BCAS1: variants seen among roughly 807,000 people sequenced by gnomAD.
BCAS1 encodes breast carcinoma-amplified sequence 1.
Under a neutral mutation model 65.4 loss-of-function variants are expected in BCAS1, and 46 were observed. That is an observed-to-expected ratio of 0.70 (90% CI 0.55 to 0.90). BCAS1 has a LOEUF of 0.90. BCAS1 is among the 40% of genes least tolerant of loss of function. BCAS1 has a pLI of 0.00. For missense variants in BCAS1, 793 were observed against 771.2 expected (o/e 1.03, Z -0.33); for synonymous variants, 298 against 293.5 (o/e 1.02, Z -0.16).
rs150209906 is a variant in BCAS1, at chr20:53,993,914, G to A, written c.927+1098C>T. 7.2e-5 allele frequency among the ~76,000 whole-genome samples: 11 copies of A among 152,278 alleles called. No homozygotes were observed. In the East Asian group the frequency reaches 2.1e-3, roughly 29 times the overall value. ...TCTTGGCTGTGATCATTGAAATAGG[G>A]ATCGCTACATTTAATCAGAGCTCTA... On this transcript the variant is annotated intron_variant, in intron 6 of 12. Coordinates refer to ENST00000688948, the MANE Select transcript of BCAS1 (RefSeq NM_001366298.2).
intron 12 of BCAS1, 86 bp downstream of exon 12, chr20:53,953,346 C>T: frequency 2.6e-6 from 4 of 1,522,972 alleles, no homozygotes; most frequent in Non-Finnish European, 3.6e-6. Flanking sequence ...TGAAGAGCCA[C>T]ATGTAGAATT....
intron 1 of BCAS1, among the ~76,000 whole-genome samples, chr20:54,063,913 CCTTT>C (rs1370648489): frequency 1.3e-5 from 2 of 152,106 alleles, no homozygotes; most frequent in African/African-American, 4.8e-5. Flanking sequence ...GTTAAAATGC[CCTTT>C]CTTTCATGAA....
chr20:53,957,087 C>A (rs542361966), intron 11 of BCAS1, among the ~76,000 whole-genome samples: 1 of 151,914 alleles, frequency 6.6e-6, no homozygotes, highest in East Asian at 1.9e-4. Flanking sequence ...TTTGTGATGA[C>A]GCTATGAAAT....
At chr20:53,990,424 TA>T (rs1328856686) in intron 7 of BCAS1, among the ~76,000 whole-genome samples, 3 of 152,226 alleles carry the variant, frequency 2.0e-5, no homozygotes, top group Non-Finnish European at 4.4e-5. Flanking sequence ...CAGACTTCCC[TA>T]CTTTTTGAAC....
chr20:54,014,833 G>C (rs1259148730), intron 4 of BCAS1, among the ~76,000 whole-genome samples: 4 of 152,146 alleles, frequency 2.6e-5, no homozygotes, highest in African/African-American at 9.7e-5. Flanking sequence ...GGACAATCAC[G>C]AAGTCTTCAT....
intron 3 of BCAS1, among the ~76,000 whole-genome samples, chr20:54,035,881 G>T (rs1442056942): frequency 6.6e-6 from 1 of 151,208 alleles, no homozygotes; most frequent in Non-Finnish European, 1.5e-5. Flanking sequence ...GCCATAAAAA[G>T]AACGAGATCA....
chr20:54,008,306 C>G (rs555835519), intron 4 of BCAS1, among the ~76,000 whole-genome samples: 1 of 152,342 alleles, frequency 6.6e-6, no homozygotes, highest in South Asian at 2.1e-4. Context: ...CCCTCCCCAC[C>G]ATGGTGTCCG....
intron 1 of BCAS1, among the ~76,000 whole-genome samples, chr20:54,066,095 C>T (rs1367220625): frequency 2.1e-5 from 3 of 145,620 alleles, no homozygotes; most frequent in African/African-American, 5.1e-5. Context: ...TTTTTTGAGG[C>T]GAAGTCTGGC....
Position 54,028,518 on chromosome 20 carries a change from C to CT in BCAS1, c.596dup (p.Leu200AlafsTer11), listed in dbSNP as rs1568894780. 1 of 1,614,084 alleles carries CT rather than the reference C, an allele frequency of 6.2e-7. No individual in the cohort carries two copies. The highest frequency in any genetic ancestry group is 8.5e-7 in the Non-Finnish European group (1 of 1,180,036). ...GCACCTTTTCCTGTCCCTTGTCCAG[C>CT]TTGAAGAATTTGTCAAAAAAGCTGG... On this transcript the variant is annotated frameshift_variant, in exon 4 of 13. Coordinates refer to ENST00000688948, the MANE Select transcript of BCAS1 (RefSeq NM_001366298.2). LOFTEE classifies it high-confidence loss of function.
Position 53,966,953 on chromosome 20 carries a change from C to T in BCAS1, c.1438G>A (p.Glu480Lys). The T allele has an allele frequency of 6.2e-7, 1 of 1,613,134 alleles. No homozygotes were observed. The highest frequency in any genetic ancestry group is 8.5e-7 in the Non-Finnish European group (1 of 1,179,598). The change falls in exon 10 of 13, where the codon GAA becomes AAA. Residue 480 changes from glutamate (E) to lysine (K), a missense_variant. Physicochemically the swap from Glu to Lys is moderately conservative, Grantham distance 56. Coordinates refer to ENST00000688948, the MANE Select transcript of BCAS1 (RefSeq NM_001366298.2). Reference sequence around the variant, plus strand: ...AGAGAGGTTCTTGGTTTGCTTTCTTCTCTTTTGAGTTTCGCTTCTGTGGGT... The same window carrying T: ...AGAGAGGTTCTTGGTTTGCTTTCTTTTCTTTTGAGTTTCGCTTCTGTGGGT... Reference protein sequence around the residue: ...PEPTEAKLKREESKPRTSLMA... With the variant: ...PEPTEAKLKRKESKPRTSLMA...
chr20:53,948,678 T>C (rs2089414110), intron 12 of BCAS1, among the ~76,000 whole-genome samples: 1 of 152,186 alleles, frequency 6.6e-6, no homozygotes, highest in Admixed American at 6.5e-5. Context: ...ACGTCACAGT[T>C]CACAAGGCCA....
intron 12 of BCAS1, among the ~76,000 whole-genome samples, chr20:53,949,637 C>A (rs531157130): frequency 3.9e-5 from 6 of 152,186 alleles, no homozygotes; most frequent in East Asian, 1.9e-4. Flanking sequence ...GGGAAGCCCC[C>A]CTCCGTCCTC....
chr20:54,019,496 G>C (rs953015586), intron 4 of BCAS1, among the ~76,000 whole-genome samples: 1 of 152,154 alleles, frequency 6.6e-6, no homozygotes, highest in Non-Finnish European at 1.5e-5. Context: ...CTATCACGCT[G>C]GTTAACATTA....
intron 4 of BCAS1, among the ~76,000 whole-genome samples, chr20:54,013,723 T>C (rs889053036): frequency 6.6e-6 from 1 of 152,332 alleles, no homozygotes; most frequent in South Asian, 2.1e-4. Context: ...AAATAACTCA[T>C]GGTACAACCA....
intron 7 of BCAS1, among the ~76,000 whole-genome samples, chr20:53,990,867 G>A (rs1311442075): frequency 1.3e-5 from 2 of 152,168 alleles, no homozygotes; most frequent in African/African-American, 2.4e-5. Flanking sequence ...AAACCCTGAA[G>A]TCCTTGTGTC....
At chr20:54,014,784 A>C (rs2091397606) in intron 4 of BCAS1, among the ~76,000 whole-genome samples, 1 of 152,186 alleles carries the variant, frequency 6.6e-6, no homozygotes, top group South Asian at 2.1e-4. Flanking sequence ...ATATCACGCG[A>C]GCACAGAGGG....
At chr20:53,945,142 C>A in intron 12 of BCAS1, 146 bp from the exon 13 acceptor site, 1 of 733,428 alleles carries the variant, frequency 1.4e-6, no homozygotes, top group South Asian at 1.6e-5. Context: ...AGAGAATGGT[C>A]TCCAGTCAGA....
intron 7 of BCAS1, among the ~76,000 whole-genome samples, chr20:53,991,693 T>C (rs2090763703): frequency 2.0e-5 from 3 of 152,222 alleles, no homozygotes; most frequent in Admixed American, 2.0e-4. Context: ...ATTGCTTTTT[T>C]CCGCCTGGAC....
intron 4 of BCAS1, among the ~76,000 whole-genome samples, chr20:54,022,622 G>C (rs571010044): frequency 1.2e-4 from 19 of 152,234 alleles, no homozygotes; most frequent in Non-Finnish European, 2.5e-4. Context: ...TTAGCTTTGC[G>C]ACCTTAACGC....
Sources: allele counts gnomAD v4.1 joint callset (sites outside exome capture counted in the v4.1 genomes callset), GRCh38; gene constraint gnomAD v4.1.1; transcripts MANE v1.5; gene names NCBI Gene and HGNC (gene_info 2026-07-23, HGNC 2026-07-21).